EPB41L3: variants seen among roughly 807,000 people sequenced by gnomAD.
The protein encoded by EPB41L3 is erythrocyte membrane protein band 4.1 like 3.
A neutral mutation model predicts 127.1 loss-of-function variants in EPB41L3; 57 were observed. The observed-to-expected ratio is 0.45, with a 90% CI of 0.36 to 0.56. EPB41L3 has a LOEUF of 0.56. Among genes scored for constraint, EPB41L3 ranks in the 20% least tolerant of loss-of-function variants. The pLI is 0.00. For synonymous variants in EPB41L3, 572 were observed against 549.5 expected, an observed-to-expected ratio of 1.04 and a Z score of -0.57; for missense variants, 1,273 against 1,372.2, an observed-to-expected ratio of 0.93 and a Z score of 1.14.
At chr18:5,589,637 C>A (rs913022635) in intron 3 of EPB41L3, among the ~76,000 whole-genome samples, 1 of 152,088 alleles carries the variant, frequency 6.6e-6, no homozygotes, top group Non-Finnish European at 1.5e-5. Flanking sequence ...CCCAGTCTTC[C>A]CATACCTATG....
intron 3 of EPB41L3, among the ~76,000 whole-genome samples, chr18:5,565,012 A>C (rs1369185314): frequency 2.0e-5 from 3 of 152,214 alleles, no homozygotes; most frequent in Non-Finnish European, 4.4e-5. Flanking sequence ...ATTATTTACA[A>C]TAATGATCTT....
At chr18:5,551,425 T>A (rs1328130804) in intron 3 of EPB41L3, among the ~76,000 whole-genome samples, 1 of 152,108 alleles carries the variant, frequency 6.6e-6, no homozygotes, top group African/African-American at 2.4e-5. Context: ...GGGGATTTTT[T>A]AAAAAACATC....
At chr18:5,457,625 A>C (rs985721582) in intron 3 of EPB41L3, among the ~76,000 whole-genome samples, 1 of 152,186 alleles carries the variant, frequency 6.6e-6, no homozygotes, top group African/African-American at 2.4e-5. Flanking sequence ...CAGTAGTGAG[A>C]GATGCTTCTG....
intron 1 of EPB41L3, among the ~76,000 whole-genome samples, chr18:5,534,286 T>C (rs2093504209): frequency 6.6e-6 from 1 of 152,268 alleles, no homozygotes; most frequent in Admixed American, 6.5e-5. Context: ...ATATCTTCTT[T>C]CCAGGTTAAA....
chr18:5,610,794 TAA>T (rs777465779), intron 3 of EPB41L3, among the ~76,000 whole-genome samples: 13 of 152,138 alleles, frequency 8.5e-5, no homozygotes, highest in Non-Finnish European at 1.8e-4. Flanking sequence ...CAAAAAGAAA[TAA>T]GTTATTATTA....
intron 2 of EPB41L3, chr18:5,488,725 C>T (rs2090199990): frequency 2.6e-6 from 1 of 384,618 alleles, no homozygotes; most frequent in Non-Finnish European, 4.6e-6. Context: ...AGTTTGGTGT[C>T]TATCTTTCCT....
At chr18:5,615,018 C>T (rs937467474) in intron 1 of EPB41L3, among the ~76,000 whole-genome samples, 1 of 152,084 alleles carries the variant, frequency 6.6e-6, no homozygotes, top group Non-Finnish European at 1.5e-5. Flanking sequence ...GAGACACCTG[C>T]TAGAACATAG....
rs2073746936 is a variant in EPB41L3 at position 5,397,434 on chromosome 18, G to A, written c.2473-8C>T. On this transcript the variant is annotated splice_region_variant and splice_polypyrimidine_tract_variant and intron_variant, in intron 17 of 22. Transcript: ENST00000341928. The surrounding 1 kb of genome is among the most constrained non-coding windows in gnomAD (Gnocchi z 4.1). ...CGTCTTGGTTTCCATTTTCTGCATG[G>A]GAAGAGATTGTGGCATCAGTGTGAC... 6.3e-7 allele frequency: 1 copy of A among 1,599,268 alleles called. No homozygotes were observed. Among genetic ancestry groups the A allele is most frequent in the East Asian group, 2.2e-5 (1 of 44,596 alleles).
chr18:5,462,204 T>G (rs968987843), intron 3 of EPB41L3, among the ~76,000 whole-genome samples: 3 of 152,244 alleles, frequency 2.0e-5, no homozygotes, highest in Admixed American at 2.0e-4. Flanking sequence ...ATATTCATCT[T>G]AAGTTGTTCA....
chr18:5,394,671 T>C lies in EPB41L3; in HGVS notation c.*6+6A>G. The C allele has an allele frequency of 1.2e-6, 2 of 1,611,350 alleles. No individual in the cohort carries two copies. The highest frequency in any genetic ancestry group is 1.7e-6 in the Non-Finnish European group (2 of 1,177,648). On this transcript the variant is annotated splice_donor_region_variant and intron_variant, in intron 22 of 22. Coordinates refer to ENST00000341928, the MANE Select transcript of EPB41L3 (RefSeq NM_012307.5). Reference sequence around the variant, plus strand: ...GCAAGCCTAGAGAATCGGCATCACCTCTTACCTCTGGTCAATCCTCTCCAT... The same window carrying C: ...GCAAGCCTAGAGAATCGGCATCACCCCTTACCTCTGGTCAATCCTCTCCAT...
chr18:5,540,240 A>AAAAC, intron 1 of EPB41L3: 1 of 677,202 alleles, frequency 1.5e-6, no homozygotes, highest in Non-Finnish European at 1.8e-6. Flanking sequence ...TATTTCACAA[A>AAAAC]AAACAAACAA....
chr18:5,580,892 G>A lies in EPB41L3; in HGVS notation c.-306+31448C>T, dbSNP rs557252209. Among the ~76,000 whole-genome samples, 12 of 152,286 alleles carry A rather than the reference G, an allele frequency of 7.9e-5. No individual in the cohort carries two copies. The South Asian group carries it at 2.5e-3, about 32-fold the overall frequency. On this transcript the variant is annotated intron_variant, in intron 3 of 21. Coordinates refer to the EPB41L3 transcript ENST00000545076. ...GCCTCATAACGTCCATTCTGGGGCTGCTACTCACACCAGCATTTGTGTTTG... is the reference window on the plus strand; with the variant it reads ...GCCTCATAACGTCCATTCTGGGGCTACTACTCACACCAGCATTTGTGTTTG...
chr18:5,462,398 T>A (rs1356410991), intron 3 of EPB41L3, among the ~76,000 whole-genome samples: 1 of 152,204 alleles, frequency 6.6e-6, no homozygotes, highest in Non-Finnish European at 1.5e-5. Flanking sequence ...AACACTCAAT[T>A]ATTTCTCCAC....
chr18:5,602,727 T>C (rs1276559468), intron 3 of EPB41L3, among the ~76,000 whole-genome samples: 3 of 152,176 alleles, frequency 2.0e-5, no homozygotes, highest in Non-Finnish European at 4.4e-5. Flanking sequence ...ATTACAGGCA[T>C]GAACCACTGC....
intron 16 of EPB41L3, chr18:5,399,461 A>G (rs1009208939): frequency 5.0e-6 from 2 of 397,736 alleles, no homozygotes; most frequent in Non-Finnish European, 4.4e-6. Context: ...CTTTAAGAAA[A>G]TCAGGGCAAC....
intron 1 of EPB41L3, among the ~76,000 whole-genome samples, chr18:5,522,803 C>T (rs966164669): frequency 1.3e-5 from 2 of 152,116 alleles, no homozygotes; most frequent in Non-Finnish European, 2.9e-5. Context: ...AAATAACAGA[C>T]AAGTTTTTAA....
chr18:5,557,525 C>A (rs2094056754), intron 3 of EPB41L3, among the ~76,000 whole-genome samples: 3 of 152,182 alleles, frequency 2.0e-5, no homozygotes, highest in Admixed American at 2.0e-4. Context: ...GCTGGAATTA[C>A]AGGCGTGTGC....
intron 3 of EPB41L3, among the ~76,000 whole-genome samples, chr18:5,564,032 G>A (rs2094167232): frequency 2.6e-5 from 4 of 152,068 alleles, no homozygotes; most frequent in South Asian, 4.2e-4. Flanking sequence ...AGGAAGTATC[G>A]AAAAGAGAGA....
intron 5 of EPB41L3, among the ~76,000 whole-genome samples, chr18:5,442,419 T>C (rs534591000): frequency 6.6e-5 from 10 of 152,302 alleles, no homozygotes; most frequent in Non-Finnish European, 1.3e-4. Flanking sequence ...CTCTCTTATA[T>C]CTAGAAGTAT....
Sources: allele counts gnomAD v4.1 joint callset (sites outside exome capture counted in the v4.1 genomes callset), GRCh38; gene constraint gnomAD v4.1.1; non-coding constraint Gnocchi (gnomAD v3.1); transcripts MANE v1.5; gene names NCBI Gene and HGNC (gene_info 2026-07-23, HGNC 2026-07-21).